The following URB1 variants were observed in gnomAD, a reference collection of about 807,000 sequenced individuals.
URB1 encodes nucleolar pre-ribosomal-associated protein 1.
In URB1, 197 loss-of-function variants were observed where a neutral mutation model predicts 242.3. That is an observed-to-expected ratio of 0.81 (90% confidence interval 0.72 to 0.91). The LOEUF (loss-of-function observed/expected upper bound fraction) is 0.91, where lower values mean the gene tolerates loss of function less well. Ranked by LOEUF, URB1 falls within the 40% of genes least tolerant of loss-of-function variation. URB1 has a pLI of 0.00. For synonymous variants in URB1, 1,153 were observed against 1,201.8 expected (o/e 0.96, Z 0.84); for missense variants, 2,721 against 2,860.5 (o/e 0.95, Z 1.11).
chr21:32,344,409 G>A (rs1209959822), intron 24 of URB1, among the ~76,000 whole-genome samples, 161 bp downstream of exon 24: 1 of 152,112 alleles, frequency 6.6e-6, no homozygotes, highest in African/African-American at 2.4e-5. Flanking sequence ...ATCAATTCTG[G>A]GGTTATCCAG....
Position 32,361,920 on chromosome 21 carries a change from G to A in URB1, c.1611C>T (p.Pro537=), listed in dbSNP as rs1389581620. 2.6e-6 allele frequency: 4 copies of A among 1,551,304 alleles called. No homozygotes were observed. Among genetic ancestry groups the A allele is most frequent in the Non-Finnish European group, 3.5e-6 (4 of 1,146,850 alleles). ...ACTGGTGAGCATCGCAGGCAGCCGGGGGCCCATCGCTCCTTTTCTGCCCTT... is the reference window on the plus strand; with the variant it reads ...ACTGGTGAGCATCGCAGGCAGCCGGAGGCCCATCGCTCCTTTTCTGCCCTT... ...DKKGQKRSDG[P]PAACDAHQCD... The change falls in exon 12 of 39, where the codon CCC becomes CCT. Residue 537 remains proline, a synonymous_variant. Transcript: ENST00000382751.
chr21:32,376,207 T>G (rs1467744305), intron 5 of URB1, among the ~76,000 whole-genome samples: 1 of 152,244 alleles, frequency 6.6e-6, no homozygotes, highest in Admixed American at 6.5e-5. Context: ...TTTTTTAAGT[T>G]GGCAGTAGAA....
chr21:32,347,844 T>A (rs757182970), intron 21 of URB1, 33 bp from the exon 22 acceptor site: 17 of 1,519,700 alleles, frequency 1.1e-5, no homozygotes, highest in Non-Finnish European at 1.2e-5. Flanking sequence ...AGACGTCACA[T>A]AGAGCACAGG....
Position 32,361,975 on chromosome 21 carries a change from T to A in URB1, c.1556A>T (p.Lys519Ile). The change falls in exon 12 of 39, where the codon AAA becomes ATA. Residue 519 changes from lysine (K) to isoleucine (I), a missense_variant. Physicochemically the swap from Lys to Ile is moderately radical, Grantham distance 102. Transcript: ENST00000382751. The part of the protein sequence containing the change: ...NTVVWVWQSL[K>I]KQETKQDDKK... ...GTCATCCTGTTTGGTCTCTTGCTTT[T>A]TAAGTGACTGCCAGACCCACACGAC... 14 of 1,551,594 alleles carry A rather than the reference T, an allele frequency of 9.0e-6. No individual in the cohort carries two copies. The highest frequency in any genetic ancestry group is 1.2e-5 in the Non-Finnish European group (14 of 1,146,920).
intron 19 of URB1, 56 bp downstream of exon 19, chr21:32,352,654 G>T: frequency 6.5e-7 from 1 of 1,544,914 alleles, no homozygotes; most frequent in South Asian, 1.2e-5. Flanking sequence ...AGCCAGCTGG[G>T]ACCCTGGGAA....
intron 2 of URB1, 85 bp from the exon 3 acceptor site, chr21:32,384,549 T>C (rs1238913628): frequency 2.0e-6 from 3 of 1,476,508 alleles, no homozygotes; most frequent in Non-Finnish European, 2.7e-6. Context: ...TTAGCCATAG[T>C]TACTTGTAGG....
chr21:32,378,272 G>A (rs182385180), intron 5 of URB1, among the ~76,000 whole-genome samples, 173 bp downstream of exon 5: 166 of 152,234 alleles, frequency 1.1e-3, no homozygotes, highest in Non-Finnish European at 1.8e-3. Flanking sequence ...ATATCAAAAT[G>A]GTACTGACCA....
chr21:32,325,776 C>T (rs887210351), intron 30 of URB1, among the ~76,000 whole-genome samples: 1 of 152,184 alleles, frequency 6.6e-6, no homozygotes, highest in Non-Finnish European at 1.5e-5. Context: ...TTCCACCTTG[C>T]TCAGCCCTCC....
chr21:32,376,318 C>T (rs1041121085), intron 5 of URB1, among the ~76,000 whole-genome samples: 1 of 152,156 alleles, frequency 6.6e-6, no homozygotes, highest in African/African-American at 2.4e-5. Context: ...ATTATTAATG[C>T]AGTAGTGACA....
intron 8 of URB1, among the ~76,000 whole-genome samples, chr21:32,371,067 G>A (rs1040935471): frequency 6.6e-6 from 1 of 152,262 alleles, no homozygotes; most frequent in Non-Finnish European, 1.5e-5. Flanking sequence ...CACAGTGACA[G>A]TGGAGGGACT....
rs1020344108 is a variant in URB1 at position 32,347,921 on chromosome 21, C to T, written c.3013-110G>A. On this transcript the variant is annotated intron_variant, in intron 21 of 38. Coordinates refer to ENST00000382751, the MANE Select transcript of URB1 (RefSeq NM_014825.3). ...TGTTAGCGAGACAGAGAGCAGAAGG[C>T]CCCTTTCCTAATCCATTCCATCCTC... is the stretch of plus-strand genomic sequence containing the variant. 6 of 1,416,150 alleles carry T rather than the reference C, an allele frequency of 4.2e-6. No homozygotes were observed. In the African/African-American group the frequency reaches 5.8e-5, roughly 14 times the overall value. The allele number at this position is 1,416,150 out of a possible 1,614,324, so 87.7% of individuals were successfully genotyped here.
intron 30 of URB1, among the ~76,000 whole-genome samples, chr21:32,330,202 T>G (rs1248243742): frequency 8.0e-6 from 1 of 124,478 alleles, no homozygotes; most frequent in African/African-American, 4.0e-5. Flanking sequence ...GGAGTGTTTT[T>G]TTTTTTTTTT....
At chr21:32,369,279 C>T (rs1016627864) in intron 8 of URB1, among the ~76,000 whole-genome samples, 7 of 152,244 alleles carry the variant, frequency 4.6e-5, no homozygotes, top group Non-Finnish European at 1.0e-4. Context: ...AGAAGAATTG[C>T]TTGAACCTGA....
At position 32,392,785 on chromosome 21, in the gene URB1, C is replaced by T; in HGVS notation, c.126G>A (p.Pro42=). 6.7e-7 allele frequency: 1 copy of T among 1,489,802 alleles called. No homozygotes were observed. The highest frequency in any genetic ancestry group is 8.9e-7 in the Non-Finnish European group (1 of 1,119,740). 92.3% of individuals were successfully genotyped at this position (1,489,802 alleles called of 1,614,324 possible). A position where few individuals can be genotyped will look rare whatever the true frequency, so the allele number is the denominator to read the frequency against. ...GVRFKAQLKD[P]QGPGPGLEAF... is the part of the protein sequence containing the mutation. ...CGGACTCACCTGGCCCGGGGCCCTGCGGGTCCTTCAGCTGAGCCTTGAACC... is the reference window on the plus strand; with the variant it reads ...CGGACTCACCTGGCCCGGGGCCCTGTGGGTCCTTCAGCTGAGCCTTGAACC... The change falls in exon 1 of 39, where the codon CCG becomes CCA. Residue 42 remains proline (P), a synonymous_variant. Transcript: ENST00000382751.
chr21:32,357,742 A>G, intron 14 of URB1, 86 bp from the exon 15 acceptor site: 1 of 1,088,560 alleles, frequency 9.2e-7, no homozygotes. Flanking sequence ...GAAACATACC[A>G]TGGGGCCAGG....
intron 23 of URB1, among the ~76,000 whole-genome samples, 176 bp from the exon 24 acceptor site, chr21:32,344,932 C>T (rs980048750): frequency 1.3e-5 from 2 of 152,110 alleles, no homozygotes. Flanking sequence ...CAAAGATATA[C>T]CAAAATTTTT....
chr21:32,386,987 C>T (rs73903317), intron 1 of URB1, among the ~76,000 whole-genome samples: 2,100 of 152,220 alleles, frequency 0.014, 40 homozygotes, highest in African/African-American at 0.048. Context: ...ACAGAGTGTC[C>T]GTGCTGCACC....
intron 1 of URB1, among the ~76,000 whole-genome samples, chr21:32,386,484 T>C (rs1337531750): frequency 6.6e-6 from 1 of 152,218 alleles, no homozygotes; most frequent in Non-Finnish European, 1.5e-5. Flanking sequence ...CCACCCAGTC[T>C]ATGGTATTTT....
chr21:32,362,142 G>T (rs1331597086), intron 11 of URB1, 121 bp from the exon 12 acceptor site: 4 of 1,261,342 alleles, frequency 3.2e-6, no homozygotes, highest in South Asian at 1.5e-5. Flanking sequence ...AGGAGTGCGT[G>T]TAAGAAGGAG....
Sources: gnomAD v4.1 joint callset for allele counts (sites outside exome capture counted in the v4.1 genomes callset) on GRCh38, gnomAD v4.1.1 for gene constraint, MANE v1.5 for transcripts, NCBI Gene and HGNC (gene_info 2026-07-23, HGNC 2026-07-21) for gene names.